Variants in TRIP11 observed in about 807,000 individuals in gnomAD.
The protein encoded by TRIP11 is thyroid hormone receptor interactor 11, also known as thyroid receptor-interacting protein 11.
TRIP11 carries 148 observed loss-of-function variants against 223.1 expected under a neutral mutation model. That is an observed-to-expected ratio of 0.66 (90% CI 0.58 to 0.76). The LOEUF (loss-of-function observed/expected upper bound fraction) is 0.76. Among genes scored for constraint, TRIP11 ranks in the 30% least tolerant of loss-of-function variants. The probability of loss-of-function intolerance (pLI) is 0.00; values close to 1 mark genes in which losing one functional copy is unlikely to be tolerated. For synonymous variants in TRIP11, 762 were observed against 772.6 expected (o/e 0.99, Z 0.23); for missense variants, 2,043 against 2,222.0 (o/e 0.92, Z 1.62).
At chr14:92,018,960 C>CAAAAAAAAAA (rs567152333) in intron 4 of TRIP11, among the ~76,000 whole-genome samples, 5 of 70,862 alleles carry the variant, frequency 7.1e-5, no homozygotes, top group African/African-American at 9.6e-5. Context: ...GACTCCATCT[C>CAAAAAAAAAA]AAAAAAAAAA....
chr14:92,012,212 T>C (rs1274912335), intron 7 of TRIP11, among the ~76,000 whole-genome samples: 1 of 152,210 alleles, frequency 6.6e-6, no homozygotes, highest in East Asian at 1.9e-4. Context: ...CACAATACCA[T>C]AATCTCTCAA....
chr14:91,975,138 G>C lies in TRIP11; in HGVS notation c.5457+34C>G, dbSNP rs754278070. On this transcript the variant is annotated intron_variant, in intron 18 of 20. Transcript: ENST00000267622. Reference sequence around the variant, plus strand: ...TCTACAAAGCCACTATCTGGATTATGAATGTGTTCAGATGGCTTTCATCGT... The same window carrying C: ...TCTACAAAGCCACTATCTGGATTATCAATGTGTTCAGATGGCTTTCATCGT... The C allele has an allele frequency of 8.4e-6, 13 of 1,548,630 alleles. No homozygotes were observed. The South Asian group carries it at 1.5e-4, about 17-fold the overall frequency.
intron 4 of TRIP11, among the ~76,000 whole-genome samples, chr14:92,020,940 C>T (rs1259522689): frequency 3.3e-5 from 5 of 151,432 alleles, no homozygotes; most frequent in Non-Finnish European, 5.9e-5. Context: ...CATGGTGGCA[C>T]GCACCTATAA....
At position 92,014,479 on chromosome 14, in the gene TRIP11, T is replaced by C; in HGVS notation, c.922A>G (p.Met308Val). ...TTTATTTTATCCTCAAGTTGTTCCA[T>C]TTTTTTGGTAGACTCCACTTTTTCT... Reference protein sequence around the residue: ...QIEKVESTKKMEQLEDKIKDI... With the variant: ...QIEKVESTKKVEQLEDKIKDI... Residue 308 changes from methionine (M) to valine (V), a missense_variant, in exon 7 of 21, where the codon ATG becomes GTG. Physicochemically the swap from Met to Val is conservative, Grantham distance 21 (BLOSUM62 1). Transcript: ENST00000267622. The C allele has an allele frequency of 6.3e-7, 1 of 1,594,482 alleles. No homozygotes were observed. Among genetic ancestry groups the C allele is most frequent in the Non-Finnish European group, 8.5e-7 (1 of 1,173,772 alleles).
chr14:92,039,327 T>C (rs946107750), intron 1 of TRIP11, among the ~76,000 whole-genome samples: 11 of 152,260 alleles, frequency 7.2e-5, no homozygotes, highest in African/African-American at 2.6e-4. Context: ...ATATCCAGAA[T>C]ATTTAAAGAG....
chr14:92,040,004 T>A lies in TRIP11; in HGVS notation c.-319A>T, dbSNP rs1378254211. 2.2e-6 allele frequency: 1 copy of A among 447,268 alleles called. No individual in the cohort carries two copies. The highest frequency in any genetic ancestry group is 4.1e-6 in the Non-Finnish European group (1 of 241,498). The allele number at this position is 447,268 out of a possible 1,614,324, so 27.7% of individuals were successfully genotyped here. ...GACTTTCCTCAGTTCCGTGGGTTACTCCTGCCAACTCGACGCCGGCCGCCA... is the reference window on the plus strand; with the variant it reads ...GACTTTCCTCAGTTCCGTGGGTTACACCTGCCAACTCGACGCCGGCCGCCA... On this transcript the variant is annotated 5_prime_UTR_variant, in exon 1 of 21. Transcript: ENST00000267622.
In TRIP11 at chr14:92,003,410, A is replaced by G; in HGVS notation, c.4557+9T>C. On this transcript the variant is annotated intron_variant, in intron 11 of 20. Coordinates refer to ENST00000267622, the MANE Select transcript of TRIP11 (RefSeq NM_004239.4). Reference sequence around the variant, plus strand: ...AACTTCCTTCTACAATACTCCATCCAGAACACACCTGTTCTTTCTCTTTCA... The same window carrying G: ...AACTTCCTTCTACAATACTCCATCCGGAACACACCTGTTCTTTCTCTTTCA... The G allele has an allele frequency of 6.2e-7, 1 of 1,612,532 alleles. No homozygotes were observed. Among genetic ancestry groups the G allele is most frequent in the Non-Finnish European group, 8.5e-7 (1 of 1,180,000 alleles).
chr14:91,973,854 G>A (rs1338279203), intron 19 of TRIP11, among the ~76,000 whole-genome samples: 4 of 152,076 alleles, frequency 2.6e-5, no homozygotes, highest in Non-Finnish European at 5.9e-5. Context: ...GTGAAACCCA[G>A]TCTCCACTAA....
intron 15 of TRIP11, among the ~76,000 whole-genome samples, chr14:91,993,083 A>C (rs555832603): frequency 6.6e-6 from 1 of 151,568 alleles, no homozygotes; most frequent in East Asian, 1.9e-4. Flanking sequence ...AAAGGATGTT[A>C]TTATACAAAA....
chr14:91,999,139 A>G, intron 13 of TRIP11, 101 bp downstream of exon 13: 1 of 1,294,274 alleles, frequency 7.7e-7, no homozygotes, highest in Non-Finnish European at 1.1e-6. Flanking sequence ...AATACAGATA[A>G]TGAATTTTGC....
Position 92,039,972 on chromosome 14 carries a change from C to G in TRIP11, c.-287G>C, listed in dbSNP as rs1392067643. On this transcript the variant is annotated 5_prime_UTR_variant, in exon 1 of 21. Transcript: ENST00000267622. ...CCAGATTGGGCCACTTCTTTCTCAG[C>G]TCTAATGACTTTCCTCAGTTCCGTG... 1.9e-6 allele frequency: 1 copy of G among 525,474 alleles called. No individual in the cohort carries two copies. Among genetic ancestry groups the G allele is most frequent in the Non-Finnish European group, 3.4e-6 (1 of 292,542 alleles). 32.6% of individuals were successfully genotyped at this position (525,474 alleles called of 1,614,324 possible). A position where few individuals can be genotyped will look rare whatever the true frequency, so the allele number is the denominator to read the frequency against.
intron 13 of TRIP11, among the ~76,000 whole-genome samples, chr14:91,996,153 T>C (rs10083510): frequency 0.51 from 77,146 of 151,916 alleles, 20,498 homozygotes; most frequent in African/African-American, 0.66. Flanking sequence ...TAAATAGTAA[T>C]TCCCCTTTCC....
At chr14:92,015,591 G>A (rs2057025536) in intron 6 of TRIP11, 105 bp downstream of exon 6, 3 of 917,040 alleles carry the variant, frequency 3.3e-6, no homozygotes, top group South Asian at 1.7e-5. Context: ...CCGGGGGGCG[G>A]AGGTTGCAGT....
At chr14:91,989,164 T>C (rs1242486024) in intron 15 of TRIP11, among the ~76,000 whole-genome samples, 4 of 152,254 alleles carry the variant, frequency 2.6e-5, no homozygotes, top group East Asian at 3.8e-4. Flanking sequence ...TTTTGTAATA[T>C]AGTTAAATCT....
chr14:91,983,713 T>C (rs2056571033), intron 16 of TRIP11, among the ~76,000 whole-genome samples: 1 of 152,220 alleles, frequency 6.6e-6, no homozygotes, highest in African/African-American at 2.4e-5. Context: ...TTCTTATATG[T>C]TTCCTCTAAA....
At chr14:92,002,984 CTG>C (rs1224498344) in intron 11 of TRIP11, among the ~76,000 whole-genome samples, 1 of 152,122 alleles carries the variant, frequency 6.6e-6, no homozygotes, top group Non-Finnish European at 1.5e-5. Flanking sequence ...CATACTCTTA[CTG>C]TGTCACAACG....
chr14:92,033,392 C>T (rs2057290113), intron 1 of TRIP11, 139 bp from the exon 2 acceptor site: 1 of 682,066 alleles, frequency 1.5e-6, no homozygotes, highest in Non-Finnish European at 2.5e-6. Flanking sequence ...AAACAAATCG[C>T]TTTATTTCCA....
Position 92,003,450 on chromosome 14 carries a change from G to C in TRIP11, c.4526C>G (p.Ala1509Gly), listed in dbSNP as rs1356953530. The change falls in exon 11 of 21, where the codon GCT becomes GGT. Residue 1509 changes from alanine to glycine, a missense_variant. Coordinates refer to ENST00000267622, the MANE Select transcript of TRIP11 (RefSeq NM_004239.4). ...ECHSMKEKAL[A>G]FEQLLKEKEQ... The stretch of plus-strand genomic sequence containing the variant: ...TTTCTCTTTCAATAGCTGTTCAAAA[G>C]CAAGAGCCTTCTCCTTCATTGAGTG... The C allele has an allele frequency of 1.2e-6, 2 of 1,613,798 alleles. No individual in the cohort carries two copies. The highest frequency in any genetic ancestry group is 4.5e-5 in the East Asian group (2 of 44,868).
chr14:91,976,632 C>T (rs1019015720), intron 16 of TRIP11, among the ~76,000 whole-genome samples: 6 of 152,098 alleles, frequency 3.9e-5, no homozygotes, highest in African/African-American at 1.2e-4. Flanking sequence ...GACTAAGAAG[C>T]GTATCTAACA....
Sources: allele counts gnomAD v4.1 joint callset (sites outside exome capture counted in the v4.1 genomes callset), GRCh38; gene constraint gnomAD v4.1.1; transcripts MANE v1.5; gene names NCBI Gene and HGNC (gene_info 2026-07-23, HGNC 2026-07-21).